The following ANK3 variants were observed in gnomAD, a reference collection of about 807,000 sequenced individuals.
ANK3 encodes ankyrin 3, also known as ankyrin-3.
Under a neutral mutation model 370.9 loss-of-function variants are expected in ANK3, and 57 were observed. That is an observed-to-expected ratio of 0.15 (90% CI 0.12 to 0.19). The LOEUF (loss-of-function observed/expected upper bound fraction) is 0.19, where lower values mean the gene tolerates loss of function less well. ANK3 is among the 10% of genes least tolerant of loss of function. The pLI, the probability that ANK3 is intolerant of heterozygous loss-of-function variation, is 1.00. For missense variants in ANK3, 4,439 were observed against 5,302.1 expected, an observed-to-expected ratio of 0.84 and a Z score of 5.06; for synonymous variants, 1,929 against 1,946.3, an observed-to-expected ratio of 0.99 and a Z score of 0.23.
chr10:60,557,261 G>A (rs1188232585), intron 2 of ANK3, among the ~76,000 whole-genome samples: 1 of 152,014 alleles, frequency 6.6e-6, no homozygotes, highest in Non-Finnish European at 1.5e-5. Flanking sequence ...ATCAACAGAT[G>A]GACAAAATGT....
intron 25 of ANK3, among the ~76,000 whole-genome samples, chr10:60,130,232 C>T (rs1032053790): frequency 1.2e-4 from 19 of 152,200 alleles, no homozygotes; most frequent in Non-Finnish European, 1.6e-4. Context: ...CAGCTCTGGC[C>T]TCCACATGTG....
At chr10:60,692,378 C>G (rs576022151) in intron 1 of ANK3, among the ~76,000 whole-genome samples, 1 of 152,210 alleles carries the variant, frequency 6.6e-6, no homozygotes, top group Non-Finnish European at 1.5e-5. Context: ...GGTCTTCAAA[C>G]TGGGGCTACT....
At chr10:60,043,605 C>G in intron 42 of ANK3, 1 of 985,436 alleles carries the variant, frequency 1.0e-6, no homozygotes, top group Non-Finnish European at 1.2e-6. Context: ...GATTTCCCTG[C>G]AGAACATACT....
intron 2 of ANK3, among the ~76,000 whole-genome samples, chr10:60,529,646 A>G (rs2076558766): frequency 6.6e-6 from 1 of 152,158 alleles, no homozygotes; most frequent in Non-Finnish European, 1.5e-5. Flanking sequence ...ATTCTAAAAG[A>G]AAAGAAAAAA....
intron 26 of ANK3, among the ~76,000 whole-genome samples, chr10:60,112,857 T>G (rs1320605078): frequency 6.6e-6 from 1 of 152,242 alleles, no homozygotes; most frequent in Non-Finnish European, 1.5e-5. Flanking sequence ...AGTTAATTGT[T>G]GTTAATTTAT....
chr10:60,138,494 G>A, intron 24 of ANK3: 2 of 397,860 alleles, frequency 5.0e-6, no homozygotes, highest in Non-Finnish European at 8.8e-6. Flanking sequence ...ACACTTGGTG[G>A]ACAACTTTAA....
intron 1 of ANK3, among the ~76,000 whole-genome samples, chr10:60,364,201 G>C (rs1465670633): frequency 1.3e-5 from 2 of 151,250 alleles, no homozygotes; most frequent in Non-Finnish European, 2.9e-5. Context: ...GGCTGAGGCA[G>C]GAGAATTGCT....
intron 1 of ANK3, among the ~76,000 whole-genome samples, chr10:60,335,358 A>C (rs935449728): frequency 3.9e-5 from 6 of 152,170 alleles, no homozygotes; most frequent in African/African-American, 1.2e-4. Flanking sequence ...AAAAACTGTA[A>C]ACACATGATC....
intron 21 of ANK3, among the ~76,000 whole-genome samples, chr10:60,167,677 G>GT (rs1173890307): frequency 4.0e-5 from 6 of 149,132 alleles, no homozygotes; most frequent in African/African-American, 1.5e-4. Context: ...GTTTTGTTTT[G>GT]TTTTTTTAAT....
intron 25 of ANK3, 43 bp from the exon 26 acceptor site, chr10:60,114,374 A>G (rs377549800): frequency 4.7e-4 from 518 of 1,111,262 alleles, no homozygotes; most frequent in Non-Finnish European, 6.5e-4. Context: ...AACAAACCAT[A>G]CAAGACTGAT....
chr10:60,064,188 T>C lies in ANK3; in HGVS notation c.12420A>G (p.Lys4140=), dbSNP rs1240882994. Residue 4140 remains lysine, a synonymous_variant, in exon 39 of 44, where the codon AAA becomes AAG. Coordinates refer to ENST00000280772, the MANE Select transcript of ANK3 (RefSeq NM_020987.5). ...CATTTTTTCCGTCTCTGGTAACCCA[T>C]TTTTTTAATAACATGAAGCTCTGAG... is the stretch of plus-strand genomic sequence containing the variant. ...LISQSFMLLK[K]WVTRDGKNAT... 7.6e-6 allele frequency: 12 copies of C among 1,570,938 alleles called. No homozygotes were observed. The highest frequency in any genetic ancestry group is 1.4e-5 in the African/African-American group (1 of 71,776).
chr10:60,106,561 T>A (rs1163146426), intron 27 of ANK3, among the ~76,000 whole-genome samples: 1 of 152,204 alleles, frequency 6.6e-6, no homozygotes, highest in Non-Finnish European at 1.5e-5. Flanking sequence ...GCAGATTCCA[T>A]GCTTTTCATG....
chr10:60,230,130 A>T (rs1451628531), intron 8 of ANK3, among the ~76,000 whole-genome samples: 1 of 152,188 alleles, frequency 6.6e-6, no homozygotes, highest in Non-Finnish European at 1.5e-5. Context: ...AGAGAACTCA[A>T]GTCTCAAAAT....
At chr10:60,495,996 CTT>C (rs1222419288) in intron 2 of ANK3, among the ~76,000 whole-genome samples, 2 of 145,452 alleles carry the variant, frequency 1.4e-5, no homozygotes, top group East Asian at 2.0e-4. Flanking sequence ...TTTTTTTTCT[CTT>C]GTTTCCAATG....
At chr10:60,326,560 C>G (rs958472361) in intron 1 of ANK3, among the ~76,000 whole-genome samples, 1 of 152,076 alleles carries the variant, frequency 6.6e-6, no homozygotes, top group African/African-American at 2.4e-5. Flanking sequence ...CGCTTCCTCT[C>G]CCTCCTTTCA....
intron 2 of ANK3, among the ~76,000 whole-genome samples, chr10:60,428,476 G>A (rs998860890): frequency 5.3e-5 from 8 of 152,142 alleles, no homozygotes; most frequent in Non-Finnish European, 7.4e-5. Flanking sequence ...ATTTCCTATT[G>A]TTCATGGTTA....
At chr10:60,048,738 G>C (rs1262210462) in intron 42 of ANK3, among the ~76,000 whole-genome samples, 1 of 152,194 alleles carries the variant, frequency 6.6e-6, no homozygotes, top group Non-Finnish European at 1.5e-5. Flanking sequence ...CAGATATGGA[G>C]GTCCAATTGT....
intron 2 of ANK3, among the ~76,000 whole-genome samples, chr10:60,573,364 C>T (rs1182476292): frequency 6.7e-6 from 1 of 150,140 alleles, no homozygotes; most frequent in Non-Finnish European, 1.5e-5. Flanking sequence ...ATGAATATAC[C>T]AACCAACCAA....
intron 2 of ANK3, among the ~76,000 whole-genome samples, chr10:60,579,711 A>G (rs1296884228): frequency 2.0e-5 from 3 of 152,210 alleles, no homozygotes; most frequent in African/African-American, 7.2e-5. Flanking sequence ...TGGATTTGTC[A>G]TGGTCCTTGA....
Sources: gnomAD v4.1 joint callset for allele counts (sites outside exome capture counted in the v4.1 genomes callset) on GRCh38, gnomAD v4.1.1 for gene constraint, MANE v1.5 for transcripts, NCBI Gene and HGNC (gene_info 2026-07-23, HGNC 2026-07-21) for gene names.